ELOVL7: variants seen among roughly 807,000 people sequenced by gnomAD.
The protein encoded by ELOVL7 is very long chain fatty acid elongase 7.
ELOVL7 carries 27 observed loss-of-function variants against 35.7 expected under a neutral mutation model. The ratio of observed to expected loss-of-function variants is 0.76; its 90% confidence interval spans 0.56 to 1.04. The LOEUF (loss-of-function observed/expected upper bound fraction) is 1.04, where lower values mean the gene tolerates loss of function less well. Ranked by LOEUF, ELOVL7 falls within the 50% of genes least tolerant of loss-of-function variation. ELOVL7 has a pLI of 0.00. For missense variants in ELOVL7, 327 were observed against 340.8 expected, an observed-to-expected ratio of 0.96 and a Z score of 0.32; for synonymous variants, 113 against 114.6, an observed-to-expected ratio of 0.99 and a Z score of 0.09.
chr5:60,782,161 C>G (rs1579824017), intron 3 of ELOVL7, among the ~76,000 whole-genome samples: 1 of 152,062 alleles, frequency 6.6e-6, no homozygotes, highest in East Asian at 1.9e-4. Context: ...CTCAACATCA[C>G]TAATCATCAG....
chr5:60,807,423 A>C (rs1420216380), intron 1 of ELOVL7, among the ~76,000 whole-genome samples: 1 of 152,144 alleles, frequency 6.6e-6, no homozygotes, highest in African/African-American at 2.4e-5. Flanking sequence ...CTCAGTGAGA[A>C]AAAACAAACT....
chr5:60,774,861 G>C (rs961350934), intron 3 of ELOVL7, among the ~76,000 whole-genome samples: 1 of 151,544 alleles, frequency 6.6e-6, no homozygotes, highest in Non-Finnish European at 1.5e-5. Flanking sequence ...TGCCTCCTGG[G>C]TTCAAGTGAA....
chr5:60,783,703 G>T lies in ELOVL7; in HGVS notation c.64+3631C>A, dbSNP rs568549887. 2.0e-5 allele frequency among the ~76,000 whole-genome samples: 3 copies of T among 152,224 alleles called. No individual in the cohort carries two copies. In the East Asian group the frequency reaches 5.8e-4, roughly 29 times the overall value. ...CAGGTAGCAAGGCACACCTCTATTT[G>T]AAAAGCAATGAAAATATTAGTATTG... On this transcript the variant is annotated intron_variant, in intron 3 of 8. Coordinates refer to ENST00000508821, the MANE Select transcript of ELOVL7 (RefSeq NM_024930.3).
At chr5:60,842,029 C>A (rs1303052912) in intron 1 of ELOVL7, among the ~76,000 whole-genome samples, 2 of 152,184 alleles carry the variant, frequency 1.3e-5, no homozygotes, top group Non-Finnish European at 2.9e-5. Flanking sequence ...TATACTGTAT[C>A]ATCTTCTACA....
chr5:60,826,796 T>C (rs751333171), intron 1 of ELOVL7, among the ~76,000 whole-genome samples: 4 of 152,196 alleles, frequency 2.6e-5, no homozygotes, highest in Non-Finnish European at 4.4e-5. Flanking sequence ...GGAGCACAGA[T>C]GTACTCAAAA....
intron 7 of ELOVL7, among the ~76,000 whole-genome samples, chr5:60,761,489 T>C (rs1201432416): frequency 6.6e-6 from 1 of 152,178 alleles, no homozygotes; most frequent in Non-Finnish European, 1.5e-5. Context: ...GAACAGCTTT[T>C]GTTGCTGTGC....
At chr5:60,802,344 T>C (rs1282549724) in intron 1 of ELOVL7, among the ~76,000 whole-genome samples, 2 of 152,098 alleles carry the variant, frequency 1.3e-5, no homozygotes, top group African/African-American at 4.8e-5. Flanking sequence ...GGGAAAATTC[T>C]GATGGGCCAG....
chr5:60,767,764 C>T (rs1742330500), intron 5 of ELOVL7, 59 bp downstream of exon 5: 4 of 1,293,078 alleles, frequency 3.1e-6, no homozygotes, highest in Non-Finnish European at 4.5e-6. Flanking sequence ...GTGTTACAAA[C>T]AGTTCACAAA....
At chr5:60,772,839 T>C (rs1425977962) in intron 3 of ELOVL7, among the ~76,000 whole-genome samples, 2 of 152,216 alleles carry the variant, frequency 1.3e-5, no homozygotes, top group Admixed American at 6.5e-5. Context: ...TTTCCATCCA[T>C]ACATGCTTTT....
intron 1 of ELOVL7, among the ~76,000 whole-genome samples, chr5:60,813,166 G>A (rs1480454728): frequency 6.6e-6 from 1 of 152,138 alleles, no homozygotes; most frequent in Non-Finnish European, 1.5e-5. Flanking sequence ...CACCTTCACA[G>A]GCGTTAATGG....
At chr5:60,795,836 C>A (rs532474867) in intron 2 of ELOVL7, among the ~76,000 whole-genome samples, 1 of 99,084 alleles carries the variant, frequency 1.0e-5, no homozygotes, top group African/African-American at 4.6e-5. Context: ...CCGTGACCCA[C>A]GGCTTCTAAA....
intron 7 of ELOVL7, among the ~76,000 whole-genome samples, chr5:60,763,913 GATTTATTTATTATTT>G (rs1742073402): frequency 6.6e-6 from 1 of 151,928 alleles, no homozygotes; most frequent in Non-Finnish European, 1.5e-5. Flanking sequence ...TTTACCATTT[GATTTATTTATTATTT>G]ATTTATTTAA....
intron 4 of ELOVL7, 89 bp downstream of exon 4, chr5:60,771,814 A>T (rs1742607049): frequency 2.0e-6 from 2 of 1,002,460 alleles, no homozygotes; most frequent in Non-Finnish European, 2.9e-6. Context: ...TTAAATTGCA[A>T]AGTTTACCCT....
intron 1 of ELOVL7, among the ~76,000 whole-genome samples, chr5:60,835,746 T>TA (rs1746761007): frequency 6.6e-6 from 1 of 152,012 alleles, no homozygotes; most frequent in Non-Finnish European, 1.5e-5. Context: ...CCTGACCCCT[T>TA]AGTGACTCAC....
chr5:60,823,855 C>A (rs1457333368), intron 1 of ELOVL7, among the ~76,000 whole-genome samples: 3 of 152,206 alleles, frequency 2.0e-5, no homozygotes, highest in Admixed American at 1.3e-4. Context: ...TTTAAGTTCC[C>A]AGATGATTCT....
At chr5:60,819,023 G>C (rs377150027) in intron 1 of ELOVL7, among the ~76,000 whole-genome samples, 26 of 86 alleles carry the variant, frequency 0.3, 1 homozygote, top group East Asian at 0.5. Context: ...GAAGAGGAGA[G>C]GGGAGGGGAG....
intron 3 of ELOVL7, among the ~76,000 whole-genome samples, chr5:60,782,277 G>C (rs1743301900): frequency 6.6e-6 from 1 of 152,128 alleles, no homozygotes; most frequent in Non-Finnish European, 1.5e-5. Flanking sequence ...GTGGAGAAAA[G>C]AGAACCCTTG....
intron 1 of ELOVL7, among the ~76,000 whole-genome samples, chr5:60,839,230 C>A (rs1329718304): frequency 6.6e-6 from 1 of 151,958 alleles, no homozygotes; most frequent in Non-Finnish European, 1.5e-5. Flanking sequence ...AGCCTGTAGT[C>A]CCAGCTACTC....
chr5:60,780,182 C>T (rs774235454), intron 3 of ELOVL7, among the ~76,000 whole-genome samples: 5 of 145,596 alleles, frequency 3.4e-5, no homozygotes, highest in African/African-American at 1.3e-4. Flanking sequence ...TGCAACGGTA[C>T]GATCTCGGCT....
Sources: allele counts gnomAD v4.1 joint callset (sites outside exome capture counted in the v4.1 genomes callset), GRCh38; gene constraint gnomAD v4.1.1; transcripts MANE v1.5; gene names NCBI Gene and HGNC (gene_info 2026-07-23, HGNC 2026-07-21).